DAG1: variants seen among roughly 807,000 people sequenced by gnomAD.
DAG1 encodes the protein dystroglycan 1 (dystrophin-associated glycoprotein 1).
In DAG1, 8 loss-of-function variants were observed where a neutral mutation model predicts 46.1. That is an observed-to-expected ratio of 0.17 (90% CI 0.10 to 0.31). The LOEUF is 0.31. DAG1 is among the 10% of genes least tolerant of loss of function. The pLI is 1.00. For synonymous variants in DAG1, 495 were observed against 481.8 expected (o/e 1.03, Z -0.36); for missense variants, 1,003 against 1,189.9 (o/e 0.84, Z 2.31).
chr3:49,483,060 C>G (rs905265581), intron 1 of DAG1, among the ~76,000 whole-genome samples: 25 of 152,140 alleles, frequency 1.6e-4, no homozygotes, highest in African/African-American at 6.0e-4. Context: ...ATAAGATTTC[C>G]TTTTTATTTG....
At position 49,531,320 on chromosome 3, in the gene DAG1, G is replaced by T; in HGVS notation, c.809G>T (p.Ser270Ile). ...CTGGGCTGCTCCCTGAACCAGAACA[G>T]TGTGCCTGACATTCATGGTGTAGAG... is the stretch of plus-strand genomic sequence containing the variant. The part of the protein sequence containing the change: ...WKLGCSLNQN[S>I]VPDIHGVEAP... The change falls in exon 3 of 3, where the codon AGT becomes ATT. Residue 270 changes from serine (S) to isoleucine (I), a missense_variant. Physicochemically the swap from Ser to Ile is moderately radical, Grantham distance 142. This residue lies in a region of DAG1 where 755 missense variants were observed against 854.1 expected (regional missense o/e 0.88). Coordinates refer to ENST00000308775, the MANE Select transcript of DAG1 (RefSeq NM_004393.6). This position sits in a 1 kb window ranked among gnomAD's most constrained non-coding sequence, Gnocchi z 7.0. 3 of 1,614,196 alleles carry T rather than the reference G, an allele frequency of 1.9e-6. No individual in the cohort carries two copies. Among genetic ancestry groups the T allele is most frequent in the Non-Finnish European group, 2.5e-6 (3 of 1,180,044 alleles).
chr3:49,493,558 TG>T (rs2050240911), intron 1 of DAG1, among the ~76,000 whole-genome samples: 1 of 152,198 alleles, frequency 6.6e-6, no homozygotes, highest in Admixed American at 6.6e-5. Context: ...TGACAGCCTC[TG>T]AGGATCCCTT....
At chr3:49,514,946 G>A (rs2050859159) in intron 2 of DAG1, among the ~76,000 whole-genome samples, 1 of 151,198 alleles carries the variant, frequency 6.6e-6, no homozygotes. Flanking sequence ...TGCAACCTCC[G>A]CCTCCTGGGT....
At chr3:49,483,712 G>C (rs996440689) in intron 1 of DAG1, among the ~76,000 whole-genome samples, 1 of 152,134 alleles carries the variant, frequency 6.6e-6, no homozygotes, top group African/African-American at 2.4e-5. Flanking sequence ...GTCTTGCCCT[G>C]TTGCCTACCT....
chr3:49,527,713 G>A (rs953051526), intron 2 of DAG1, among the ~76,000 whole-genome samples: 11 of 151,502 alleles, frequency 7.3e-5, no homozygotes, highest in Admixed American at 4.6e-4. Flanking sequence ...AAAAAAAAAA[G>A]TGCCCTTGTA....
At position 49,532,606 on chromosome 3, in the gene DAG1, G is replaced by C. The variant is rs1391576429; in HGVS notation, c.2095G>C (p.Asp699His). ...TGCCTTCTCCAACGCCCTAGAGCCT[G>C]ACTTTAAGGCCACAAGCATCACTGT... ...RPAFSNALEP[D>H]FKATSITVTG... Residue 699 changes from aspartate (D) to histidine (H), a missense_variant, in exon 3 of 3, where the codon GAC (aspartate) becomes CAC (histidine). Asp to His is a moderately conservative substitution (Grantham distance 81). Transcript: ENST00000308775. The surrounding 1 kb of genome is among the most constrained non-coding windows in gnomAD (Gnocchi z 5.4). 6.2e-7 allele frequency: 1 copy of C among 1,613,030 alleles called. No individual in the cohort carries two copies. The highest frequency in any genetic ancestry group is 1.1e-5 in the South Asian group (1 of 91,072).
At chr3:49,481,039 G>A (rs1222581295) in intron 1 of DAG1, among the ~76,000 whole-genome samples, 1 of 148,146 alleles carries the variant, frequency 6.8e-6, no homozygotes, top group Non-Finnish European at 1.5e-5. Context: ...GGGATTACAG[G>A]CGTGAGCCAC....
chr3:49,528,255 A>G (rs2051237311), intron 2 of DAG1, among the ~76,000 whole-genome samples: 1 of 144,180 alleles, frequency 6.9e-6, no homozygotes, highest in Admixed American at 6.9e-5. Context: ...TTTTTCAGCC[A>G]AAACATTTGA....
In DAG1 at chr3:49,532,209, C is replaced by T. The variant is rs1407044930; in HGVS notation, c.1698C>T (p.Asp566=). ...SNSQLMYGLP[D]SSHVGKHEYF... is the part of the protein sequence containing the mutation. ...GCCAGCTCATGTATGGCCTTCCCGA[C>T]AGCAGCCACGTGGGCAAACACGAGT... The change falls in exon 3 of 3, where the codon GAC becomes GAT. Residue 566 remains aspartate, a synonymous_variant. Transcript: ENST00000308775. This position sits in a 1 kb window ranked among gnomAD's most constrained non-coding sequence, Gnocchi z 5.4. 2 of 1,614,024 alleles carry T rather than the reference C, an allele frequency of 1.2e-6. No homozygotes were observed. The highest frequency in any genetic ancestry group is 1.7e-6 in the Non-Finnish European group (2 of 1,179,964).
chr3:49,519,768 C>A (rs1468102767), intron 2 of DAG1, among the ~76,000 whole-genome samples: 2 of 152,118 alleles, frequency 1.3e-5, no homozygotes, highest in Non-Finnish European at 2.9e-5. Context: ...TGAAAGAGAA[C>A]ATGACAAAGT....
chr3:49,474,221 A>AT (rs1263162886), intron 1 of DAG1, among the ~76,000 whole-genome samples: 20 of 151,296 alleles, frequency 1.3e-4, no homozygotes, highest in Admixed American at 1.3e-3. Context: ...CACCCGGCTG[A>AT]TTTTTTTTAT....
intron 2 of DAG1, among the ~76,000 whole-genome samples, chr3:49,518,304 A>G (rs2050946593): frequency 6.6e-6 from 1 of 152,182 alleles, no homozygotes. Context: ...ACGGTAGAAT[A>G]ATCCAGTGTT....
chr3:49,524,800 T>C (rs374333838), intron 2 of DAG1, among the ~76,000 whole-genome samples: 16 of 151,834 alleles, frequency 1.1e-4, no homozygotes, highest in African/African-American at 3.9e-4. Flanking sequence ...CTGGGCAATA[T>C]AATGAGACCC....
At chr3:49,474,560 G>C (rs1471762062) in intron 1 of DAG1, among the ~76,000 whole-genome samples, 1 of 152,028 alleles carries the variant, frequency 6.6e-6, no homozygotes, top group Non-Finnish European at 1.5e-5. Flanking sequence ...TGCCCAGGCT[G>C]ATCTCGAACT....
chr3:49,533,974 G>GATAC lies in DAG1; in HGVS notation c.*775_*776insATAC. 1 of 157,206 alleles carries GATAC rather than the reference G, an allele frequency of 6.4e-6. No homozygotes were observed. Among genetic ancestry groups the GATAC allele is most frequent in the Non-Finnish European group, 1.4e-5 (1 of 71,140 alleles). 9.7% of individuals were successfully genotyped at this position (157,206 alleles called of 1,614,324 possible). A position where few individuals can be genotyped will look rare whatever the true frequency, so the allele number is the denominator to read the frequency against. On this transcript the variant is annotated 3_prime_UTR_variant, in exon 3 of 3. Transcript: ENST00000308775. ...GGGCTGGAAGCTGGAGGGGTCTCTT[G>GATAC]GGCCATGGACATCCCCACTTCCAGC...
intron 2 of DAG1, among the ~76,000 whole-genome samples, chr3:49,517,599 G>C (rs1325259072): frequency 1.3e-5 from 2 of 152,150 alleles, no homozygotes; most frequent in African/African-American, 4.8e-5. Flanking sequence ...CTATCATTGG[G>C]CCCAAAACTG....
intron 1 of DAG1, among the ~76,000 whole-genome samples, chr3:49,478,302 GAAAGA>G (rs947460405): frequency 4.0e-5 from 6 of 149,284 alleles, no homozygotes; most frequent in African/African-American, 1.5e-4. Context: ...AAAAAAAGTG[GAAAGA>G]AAAGAGAAAA....
In DAG1 at chr3:49,533,331, G is replaced by C; in HGVS notation, c.*132G>C. On this transcript the variant is annotated 3_prime_UTR_variant, in exon 3 of 3. Transcript: ENST00000308775. ...ACCTGACCTAGCACACACTGACACA[G>C]GGGCCTGGACAAGCCCGCCCTCTCT... 1 of 1,394,380 alleles carries C rather than the reference G, an allele frequency of 7.2e-7. No individual in the cohort carries two copies. Among genetic ancestry groups the C allele is most frequent in the Non-Finnish European group, 9.8e-7 (1 of 1,016,274 alleles). The allele number at this position is 1,394,380 out of a possible 1,614,324, so 86.4% of individuals were successfully genotyped here.
At chr3:49,530,644 G>C (rs2051313065) in intron 2 of DAG1, among the ~76,000 whole-genome samples, 153 bp from the exon 3 acceptor site, 3 of 152,156 alleles carry the variant, frequency 2.0e-5, no homozygotes, top group Admixed American at 6.5e-5. Flanking sequence ...AATAAACTCA[G>C]TTGTGTCTCT....
Sources: allele counts gnomAD v4.1 joint callset (sites outside exome capture counted in the v4.1 genomes callset), GRCh38; gene constraint gnomAD v4.1.1; regional missense constraint gnomAD v4.1.1; non-coding constraint Gnocchi (gnomAD v3.1); transcripts MANE v1.5; gene names NCBI Gene and HGNC (gene_info 2026-07-23, HGNC 2026-07-21).